Variants in ZFAND2A observed in about 807,000 individuals in gnomAD.
ZFAND2A encodes AN1-type zinc finger protein 2A.
ZFAND2A carries 20 observed loss-of-function variants against 11.6 expected under a neutral mutation model. The observed-to-expected ratio is 1.72, with a 90% CI of 1.21 to 2.50. ZFAND2A has a LOEUF of 2.50. ZFAND2A is among the 30% of genes most tolerant of loss of function. The pLI is 0.00. For missense variants in ZFAND2A, 234 were observed against 182.9 expected, an observed-to-expected ratio of 1.28 and a Z score of -1.61; for synonymous variants, 93 against 60.6, an observed-to-expected ratio of 1.54 and a Z score of -2.48.
downstream of ZFAND2A, chr7:1,152,195 C>A (rs1326350939): frequency 9.2e-6 from 14 of 1,518,186 alleles, no homozygotes; most frequent in Admixed American, 2.9e-4. Context: ...TCCGTGTTCA[C>A]CAACCAAGAG....
At chr7:1,157,461 C>T (rs1187272352) in intron 3 of ZFAND2A, 195 bp downstream of exon 3, 3 of 475,602 alleles carry the variant, frequency 6.3e-6, no homozygotes, top group Non-Finnish European at 1.1e-5. Flanking sequence ...AACAGAATGT[C>T]CTGTGAGGGC....
At chr7:1,158,345 A>C (rs1208538699) in intron 1 of ZFAND2A, 88 bp from the exon 2 acceptor site, 2 of 821,816 alleles carry the variant, frequency 2.4e-6, no homozygotes, top group Non-Finnish European at 4.0e-6. Context: ...AATGAAAGTC[A>C]ACAAACGCAC....
rs544147160 is a variant in ZFAND2A, at chr7:1,153,201, T to C, written c.306A>G (p.Lys102=). 2.5e-6 allele frequency: 4 copies of C among 1,613,898 alleles called. No homozygotes were observed. Among genetic ancestry groups the C allele is most frequent in the South Asian group, 2.2e-5 (2 of 91,076 alleles). The change falls in exon 5 of 5, where the codon AAA becomes AAG. Residue 102 remains lysine, a synonymous_variant. Transcript: ENST00000316495. ...KEKIFTYRCS[K]EGCKKKEMLQ... ...GCATCTCTTTCTTCTTGCAGCCCTCTTTTGAGCAACGGTATGTAAAAATCT... is the reference window on the plus strand; with the variant it reads ...GCATCTCTTTCTTCTTGCAGCCCTCCTTTGAGCAACGGTATGTAAAAATCT...
At position 1,153,085 on chromosome 7, in the gene ZFAND2A, G is replaced by C. The variant is rs1236600609; in HGVS notation, c.422C>G (p.Thr141Ser). The change falls in exon 5 of 5, where the codon ACC (threonine) becomes AGC (serine). Residue 141 changes from threonine to serine, a missense_variant. Coordinates refer to ENST00000316495, the MANE Select transcript of ZFAND2A (RefSeq NM_182491.4). The part of the protein sequence containing the change: ...DHSCRHGSRP[T>S]IKAG ...AGTCTCTTCTCACCCAGCTTTGATGGTGGGGCGACTCCCGTGTCTGCAGCT... is the reference window on the plus strand; with the variant it reads ...AGTCTCTTCTCACCCAGCTTTGATGCTGGGGCGACTCCCGTGTCTGCAGCT... The C allele has an allele frequency of 7.4e-6, 12 of 1,614,038 alleles. No homozygotes were observed. The highest frequency in any genetic ancestry group is 1.0e-5 in the Non-Finnish European group (12 of 1,180,036).
At chr7:1,159,158 C>T (rs1482708294) in intron 1 of ZFAND2A, among the ~76,000 whole-genome samples, 1 of 152,230 alleles carries the variant, frequency 6.6e-6, no homozygotes, top group Non-Finnish European at 1.5e-5. Flanking sequence ...CCTTCGCCCA[C>T]AGCTTCCAAC....
At chr7:1,155,345 T>C in intron 4 of ZFAND2A, 108 bp downstream of exon 4, 7 of 1,481,948 alleles carry the variant, frequency 4.7e-6, no homozygotes, top group Non-Finnish European at 6.3e-6. Flanking sequence ...TCTTCTTTTC[T>C]ACTTTGTACA....
chr7:1,155,698 G>C (rs79673567), intron 3 of ZFAND2A, 114 bp from the exon 4 acceptor site: 37 of 1,379,202 alleles, frequency 2.7e-5, no homozygotes, highest in Non-Finnish European at 3.3e-5. Context: ...GACAAAAACC[G>C]GTCTCCCGAG....
intron 1 of ZFAND2A, among the ~76,000 whole-genome samples, chr7:1,158,975 C>CT (rs1793604375): frequency 6.6e-6 from 1 of 152,144 alleles, no homozygotes; most frequent in African/African-American, 2.4e-5. Context: ...CATCAGCTCT[C>CT]TCCCCACTCC....
chr7:1,154,890 C>T (rs12532101), intron 4 of ZFAND2A, among the ~76,000 whole-genome samples: 28,061 of 151,998 alleles, frequency 0.18, 2,775 homozygotes, highest in South Asian at 0.2. Flanking sequence ...GAGGCTGAGG[C>T]GGGCAGATCA....
chr7:1,152,616 A>AAACAATG (rs1312472987), downstream of ZFAND2A, among the ~76,000 whole-genome samples: 1 of 152,286 alleles, frequency 6.6e-6, no homozygotes, highest in African/African-American at 2.4e-5. Context: ...TTCAGAGGTC[A>AAACAATG]CGACTGTGGG....
chr7:1,153,378 G>C (rs1793445970), intron 4 of ZFAND2A, 154 bp from the exon 5 acceptor site: 1 of 766,324 alleles, frequency 1.3e-6, no homozygotes, highest in Non-Finnish European at 2.0e-6. Flanking sequence ...CTAGTACCTG[G>C]TACTACAGGC....
chr7:1,158,711 G>A (rs1482738864), intron 1 of ZFAND2A, among the ~76,000 whole-genome samples: 1 of 152,220 alleles, frequency 6.6e-6, no homozygotes, highest in African/African-American at 2.4e-5. Context: ...CTTAGGCATT[G>A]AATCTTACTG....
intron 1 of ZFAND2A, among the ~76,000 whole-genome samples, chr7:1,159,502 C>G (rs1175671174): frequency 1.4e-5 from 2 of 142,104 alleles, no homozygotes; most frequent in African/African-American, 5.3e-5. Context: ...CCGGCAGGCC[C>G]GGTCCCCAGC....
downstream of ZFAND2A, among the ~76,000 whole-genome samples, chr7:1,150,561 A>C (rs1438411531): frequency 6.6e-6 from 1 of 152,168 alleles, no homozygotes; most frequent in East Asian, 1.9e-4. Flanking sequence ...ACTTCACAAA[A>C]TCAGACGGTG....
chr7:1,150,240 CCT>C (rs1406100371), downstream of ZFAND2A, among the ~76,000 whole-genome samples: 6 of 152,226 alleles, frequency 3.9e-5, no homozygotes, highest in South Asian at 4.1e-4. Flanking sequence ...ACATCGTTCC[CCT>C]GACTGCAGGT....
intron 3 of ZFAND2A, chr7:1,157,338 A>C (rs6953538): frequency 5.0e-6 from 1 of 200,630 alleles, no homozygotes; most frequent in Non-Finnish European, 1.0e-5. Context: ...ATGGTGTAAC[A>C]GATCAAAGGA....
chr7:1,153,102 T>C lies in ZFAND2A; in HGVS notation c.405A>G (p.Arg135=). 6.2e-7 allele frequency: 1 copy of C among 1,614,208 alleles called. No individual in the cohort carries two copies. The highest frequency in any genetic ancestry group is 1.3e-5 in the African/African-American group (1 of 75,044). ...CTTTGATGGTGGGGCGACTCCCGTGTCTGCAGCTGTGGTCCAAAGGGTGTC... is the reference window on the plus strand; with the variant it reads ...CTTTGATGGTGGGGCGACTCCCGTGCCTGCAGCTGTGGTCCAAAGGGTGTC... ...QHRHPLDHSC[R]HGSRPTIKAG is the part of the protein sequence containing the mutation. The change falls in exon 5 of 5, where the codon AGA becomes AGG. Residue 135 remains arginine, a synonymous_variant. Transcript: ENST00000316495.
chr7:1,152,388 C>T, downstream of ZFAND2A: 2 of 1,483,852 alleles, frequency 1.3e-6, no homozygotes, highest in Non-Finnish European at 1.8e-6. Context: ...CATGTGCTGA[C>T]CGCAAGAACC....
rs772487181 is a variant in ZFAND2A, at chr7:1,155,531, C to CT, written c.203dup (p.Gln70ProfsTer9). On this transcript the variant is annotated frameshift_variant, in exon 4 of 5. Coordinates refer to ENST00000316495, the MANE Select transcript of ZFAND2A (RefSeq NM_182491.4). LOFTEE classifies it high-confidence loss of function. The stretch of plus-strand genomic sequence containing the variant: ...CAACCACCACGTCTGGTATCTGGCC[C>CT]TTTTTTACTGGGATGGGGGTATTAC... 5.8e-5 allele frequency: 93 copies of CT among 1,613,748 alleles called. No individual in the cohort carries two copies. The highest frequency in any genetic ancestry group is 7.5e-5 in the Non-Finnish European group (88 of 1,179,886).
Sources: gnomAD v4.1 joint callset for allele counts (sites outside exome capture counted in the v4.1 genomes callset) on GRCh38, gnomAD v4.1.1 for gene constraint, MANE v1.5 for transcripts, NCBI Gene and HGNC (gene_info 2026-07-23, HGNC 2026-07-21) for gene names.